The following SHQ1 variants were observed in gnomAD, a reference collection of about 807,000 sequenced individuals.
SHQ1 encodes SHQ1, H/ACA ribonucleoprotein assembly factor, also known as protein SHQ1 homolog.
A neutral mutation model predicts 53.8 loss-of-function variants in SHQ1; 49 were observed. The ratio of observed to expected loss-of-function variants is 0.91; its 90% CI spans 0.72 to 1.16. The LOEUF (loss-of-function observed/expected upper bound fraction) is 1.16, where lower values mean the gene tolerates loss of function less well. Ranked by LOEUF, SHQ1 falls within the 50% of genes most tolerant of loss-of-function variation. SHQ1 has a pLI of 0.00. For synonymous variants in SHQ1, 243 were observed against 251.0 expected, an observed-to-expected ratio of 0.97 and a Z score of 0.30; for missense variants, 738 against 683.1, an observed-to-expected ratio of 1.08 and a Z score of -0.90.
chr3:72,841,132 G>A lies in SHQ1; in HGVS notation c.399C>T (p.Pro133=), dbSNP rs376103451. 3.7e-6 allele frequency: 6 copies of A among 1,613,900 alleles called. No homozygotes were observed. Among genetic ancestry groups the A allele is most frequent in the Non-Finnish European group, 5.1e-6 (6 of 1,179,866 alleles). ...AAGCACTTTCTGATACCTCTTCACA[G>A]GGTGTCTGCTCAATTTCCCAATCAA... ...EEFDWEIEQT[P]CEEVSESALN... is the part of the protein sequence containing the mutation. The change falls in exon 4 of 11, where the codon CCC becomes CCT. Residue 133 remains proline (P), a synonymous_variant. Coordinates refer to ENST00000325599, the MANE Select transcript of SHQ1 (RefSeq NM_018130.3).
chr3:72,764,953 T>C (rs372287490), intron 10 of SHQ1, among the ~76,000 whole-genome samples: 3 of 152,218 alleles, frequency 2.0e-5, no homozygotes, highest in East Asian at 1.9e-4. Flanking sequence ...ACTTCACACA[T>C]TGTGTACAGG....
chr3:72,807,239 C>T (rs1008859839), intron 9 of SHQ1, among the ~76,000 whole-genome samples: 2 of 152,160 alleles, frequency 1.3e-5, no homozygotes, highest in East Asian at 1.9e-4. Flanking sequence ...TATATTTTCA[C>T]TCTCCATATT....
chr3:72,751,508 G>GTATATATATATATATA (rs371779807), intron 10 of SHQ1, among the ~76,000 whole-genome samples: 9 of 116,980 alleles, frequency 7.7e-5, no homozygotes, highest in African/African-American at 4.0e-4. Flanking sequence ...GTGTGTGTGT[G>GTATATATATATATATA]TATATATATA....
the SHQ1 span, among the ~76,000 whole-genome samples, chr3:72,725,633 CTCAAA>C: frequency 6.6e-6 from 1 of 152,178 alleles, no homozygotes; most frequent in African/African-American, 2.4e-5. Flanking sequence ...CACGCACACA[CTCAAA>C]TCTAACCTCT....
chr3:72,765,335 G>A (rs1249636699), intron 10 of SHQ1, among the ~76,000 whole-genome samples: 1 of 151,236 alleles, frequency 6.6e-6, no homozygotes, highest in Non-Finnish European at 1.5e-5. Flanking sequence ...ACCTCTACCT[G>A]TTACTTCCTT....
chr3:72,811,308 C>T (rs940668137), intron 9 of SHQ1, among the ~76,000 whole-genome samples: 2 of 152,214 alleles, frequency 1.3e-5, no homozygotes, highest in East Asian at 1.9e-4. Context: ...ATGAATAATG[C>T]CCAGATAATC....
At chr3:72,815,438 T>A in intron 7 of SHQ1, 35 bp from the exon 8 acceptor site, 1 of 1,551,110 alleles carries the variant, frequency 6.4e-7, no homozygotes, top group Non-Finnish European at 8.9e-7. Flanking sequence ...TACCATCACA[T>A]TAGAGGTGAA....
At chr3:72,822,646 T>A (rs950436565) in intron 6 of SHQ1, among the ~76,000 whole-genome samples, 7 of 152,186 alleles carry the variant, frequency 4.6e-5, no homozygotes, top group Non-Finnish European at 1.0e-4. Context: ...GGAAACTGAC[T>A]CAAACCAGTT....
intron 4 of SHQ1, among the ~76,000 whole-genome samples, chr3:72,832,972 A>T (rs1289989170): frequency 6.6e-6 from 1 of 152,136 alleles, no homozygotes; most frequent in Non-Finnish European, 1.5e-5. Flanking sequence ...TTGGGAAGAG[A>T]GTGTTTTGGA....
At chr3:72,746,682 G>A (rs1404102973), downstream of SHQ1, among the ~76,000 whole-genome samples, 1 of 152,076 alleles carries the variant, frequency 6.6e-6, no homozygotes, top group Non-Finnish European at 1.5e-5. Flanking sequence ...TTTGAGGAAG[G>A]GAATAACAGG....
At chr3:72,794,135 T>C (rs974186217) in intron 9 of SHQ1, 2 of 152,200 alleles carry the variant, frequency 1.3e-5, no homozygotes, top group African/African-American at 2.4e-5. Context: ...TTCATTCTTA[T>C]CTTTACAGTT....
intron 10 of SHQ1, among the ~76,000 whole-genome samples, chr3:72,764,050 G>T (rs1705666195): frequency 6.6e-6 from 1 of 151,404 alleles, no homozygotes; most frequent in Non-Finnish European, 1.5e-5. Context: ...CAACAGCAAG[G>T]CACAGAAAAG....
chr3:72,807,765 A>T lies in SHQ1; in HGVS notation c.1060+4906T>A, dbSNP rs117882464. 8.2e-4 allele frequency among the ~76,000 whole-genome samples: 125 copies of T among 152,346 alleles called. 3 individuals carry two copies. In the East Asian group the frequency reaches 0.022, roughly 26 times the overall value. ...ATCAGTCACAAGCCCTGTGCTTGGT[A>T]CCATAGCTCTTCTTTCCTTTCTCAT... On this transcript the variant is annotated intron_variant, in intron 9 of 10. Coordinates refer to ENST00000325599, the MANE Select transcript of SHQ1 (RefSeq NM_018130.3).
chr3:72,784,398 G>GGT (rs1201203792), intron 10 of SHQ1, among the ~76,000 whole-genome samples: 2 of 152,134 alleles, frequency 1.3e-5, no homozygotes, highest in African/African-American at 2.4e-5. Flanking sequence ...CTGAGCTACT[G>GGT]GTGATAAGGT....
At chr3:72,746,236 T>C (rs1382166470), downstream of SHQ1, among the ~76,000 whole-genome samples, 1 of 152,200 alleles carries the variant, frequency 6.6e-6, no homozygotes, top group African/African-American at 2.4e-5. Flanking sequence ...CTGCCTCTTG[T>C]CAACTGCAAA....
chr3:72,841,483 C>G (rs1708178186), intron 3 of SHQ1, among the ~76,000 whole-genome samples: 1 of 151,918 alleles, frequency 6.6e-6, no homozygotes, highest in Non-Finnish European at 1.5e-5. Flanking sequence ...AGCAGCCAGA[C>G]AAAAAGAACA....
At chr3:72,740,552 C>T in the SHQ1 span, among the ~76,000 whole-genome samples, 2 of 152,152 alleles carry the variant, frequency 1.3e-5, no homozygotes, top group African/African-American at 2.4e-5. Context: ...GCAGTTGTGT[C>T]AGGTGTCCTG....
At position 72,754,507 on chromosome 3, in the gene SHQ1, G is replaced by A. The variant is rs570963774; in HGVS notation, c.1182-3671C>T. ...AGAGATTCTCCTGCCTCCGCCTCCC[G>A]AGTAGCTGGAATTACAGACATGAGC... On this transcript the variant is annotated intron_variant, in intron 10 of 10. Transcript: ENST00000325599. Among the ~76,000 whole-genome samples the A allele has an allele frequency of 1.8e-4, 28 of 151,548 alleles. No homozygotes were observed. In the East Asian group the frequency reaches 5.1e-3, roughly 27 times the overall value.
At chr3:72,728,560 A>T in the SHQ1 span, among the ~76,000 whole-genome samples, 1 of 152,238 alleles carries the variant, frequency 6.6e-6, no homozygotes, top group Non-Finnish European at 1.5e-5. Context: ...ACCCTCCTGA[A>T]AATTCAGGGA....
Sources: allele counts gnomAD v4.1 joint callset (sites outside exome capture counted in the v4.1 genomes callset), GRCh38; gene constraint gnomAD v4.1.1; transcripts MANE v1.5; gene names NCBI Gene and HGNC (gene_info 2026-07-23, HGNC 2026-07-21).